Variants in RXRA observed in about 807,000 individuals in gnomAD.
RXRA encodes the protein retinoic acid receptor RXR-alpha.
RXRA carries 5 observed loss-of-function variants against 44.5 expected under a neutral mutation model. The observed-to-expected ratio is 0.11, with a 90% CI of 0.06 to 0.24. The LOEUF (loss-of-function observed/expected upper bound fraction) is 0.24, where lower values mean the gene tolerates loss of function less well. RXRA is among the 10% of genes least tolerant of loss of function. The pLI is 1.00. For synonymous variants in RXRA, 291 were observed against 271.4 expected (o/e 1.07, Z -0.71); for missense variants, 412 against 646.5 (o/e 0.64, Z 3.93).
intron 1 of RXRA, among the ~76,000 whole-genome samples, chr9:134,384,238 C>T (rs1353750165): frequency 6.6e-6 from 1 of 152,038 alleles, no homozygotes; most frequent in Non-Finnish European, 1.5e-5. Context: ...GGGGAGTCCT[C>T]AACCCTCTTC....
At chr9:134,434,866 A>G (rs12336087) in intron 9 of RXRA, among the ~76,000 whole-genome samples, 20,914 of 102,492 alleles carry the variant, frequency 0.2, 2,711 homozygotes, top group African/African-American at 0.43. Flanking sequence ...TGGGGCGGGG[A>G]GGGGGTCGGG....
intron 1 of RXRA, among the ~76,000 whole-genome samples, chr9:134,348,574 G>A (rs1280609097): frequency 2.0e-5 from 3 of 152,220 alleles, no homozygotes; most frequent in Non-Finnish European, 2.9e-5. Context: ...TGGCCGACAC[G>A]TGGGTTGAGT....
At chr9:134,389,477 GCAGAGGGCTAGCCC>G (rs1830769213) in intron 1 of RXRA, among the ~76,000 whole-genome samples, 2 of 151,640 alleles carry the variant, frequency 1.3e-5, no homozygotes, top group African/African-American at 4.8e-5. Flanking sequence ...CCCTGGGACA[GCAGAGGGCTAGCCC>G]CAGAGGGCTA....
At chr9:134,384,897 G>A (rs571797200) in intron 1 of RXRA, among the ~76,000 whole-genome samples, 227 of 152,332 alleles carry the variant, frequency 1.5e-3, no homozygotes, top group African/African-American at 5.3e-3. Flanking sequence ...GTTTTCAGAC[G>A]GGTGTGAGCA....
At chr9:134,332,312 G>A (rs1835017715) in intron 1 of RXRA, among the ~76,000 whole-genome samples, 1 of 152,166 alleles carries the variant, frequency 6.6e-6, no homozygotes, top group East Asian at 1.9e-4. Flanking sequence ...TCCCAGGGCA[G>A]GGCAGGGTAG....
rs782497384 is a variant in RXRA at position 134,343,159 on chromosome 9, A to C, written c.28+16500A>C. On this transcript the variant is annotated intron_variant, in intron 1 of 9. Coordinates refer to ENST00000481739, the MANE Select transcript of RXRA (RefSeq NM_002957.6). This position sits in a 1 kb window ranked among gnomAD's most constrained non-coding sequence, Gnocchi z 4.1. ...TGCGGCCCACAGTTCAGGGCCCCAC[A>C]CAGACCTTTTACATGCTGTGTGACC... Among the ~76,000 whole-genome samples, 15 of 152,240 alleles carry C rather than the reference A, an allele frequency of 9.9e-5. No homozygotes were observed. Among genetic ancestry groups the C allele is most frequent in the African/African-American group, 2.9e-4 (12 of 41,548 alleles).
At chr9:134,332,932 C>T (rs530393455) in intron 1 of RXRA, among the ~76,000 whole-genome samples, 1 of 152,096 alleles carries the variant, frequency 6.6e-6, no homozygotes, top group South Asian at 2.1e-4. Flanking sequence ...TTCCTGGGGG[C>T]TTAGGCCAGG....
At chr9:134,332,953 G>A (rs1835028718) in intron 1 of RXRA, among the ~76,000 whole-genome samples, 4 of 152,162 alleles carry the variant, frequency 2.6e-5, no homozygotes, top group Non-Finnish European at 5.9e-5. Flanking sequence ...TCCCTGGGCT[G>A]GCCTGGGGGT....
chr9:134,427,148 C>T lies in RXRA; in HGVS notation c.911-1960C>T, dbSNP rs563038690. 16 of 981,930 alleles carry T rather than the reference C, an allele frequency of 1.6e-5. No individual in the cohort carries two copies. The South Asian group carries it at 4.7e-4, about 29-fold the overall frequency. The allele number at this position is 981,930 out of a possible 1,614,324, so 60.8% of individuals were successfully genotyped here. ...TAGACTTCTCCCAAATGTGATGCTA[C>T]AGATGTTTCATTGGGCAAAAACAAA... On this transcript the variant is annotated intron_variant, in intron 6 of 9. Coordinates refer to ENST00000481739, the MANE Select transcript of RXRA (RefSeq NM_002957.6).
At chr9:134,410,284 C>A (rs1181755249) in intron 4 of RXRA, among the ~76,000 whole-genome samples, 1 of 152,210 alleles carries the variant, frequency 6.6e-6, no homozygotes, top group East Asian at 1.9e-4. Flanking sequence ...CCAGTCAGGC[C>A]TTTCTGATGG....
chr9:134,393,231 C>T (rs1009780397), intron 1 of RXRA, among the ~76,000 whole-genome samples: 8 of 151,482 alleles, frequency 5.3e-5, no homozygotes, highest in Admixed American at 3.9e-4. Context: ...AGCACTGGGG[C>T]ACACACAGGG....
intron 1 of RXRA, among the ~76,000 whole-genome samples, chr9:134,393,479 T>G (rs961333341): frequency 4.6e-5 from 7 of 152,222 alleles, no homozygotes; most frequent in Non-Finnish European, 1.0e-4. Context: ...GCCTGGGGCA[T>G]CCCTGGACAG....
chr9:134,339,515 CTG>C (rs140582836), intron 1 of RXRA, among the ~76,000 whole-genome samples: 102 of 138,160 alleles, frequency 7.4e-4, no homozygotes, highest in African/African-American at 9.5e-4. Context: ...GTGTGTGAGT[CTG>C]TGTGTGTGTG....
chr9:134,439,159 C>G lies in RXRA; in HGVS notation c.*2545C>G, dbSNP rs571732027. 1 of 152,200 alleles carries G rather than the reference C, an allele frequency of 6.6e-6. No individual in the cohort carries two copies. The highest frequency in any genetic ancestry group is 2.1e-4 in the South Asian group (1 of 4,832). 9.4% of individuals were successfully genotyped at this position (152,200 alleles called of 1,614,324 possible). A position where few individuals can be genotyped will look rare whatever the true frequency, so the allele number is the denominator to read the frequency against. On this transcript the variant is annotated 3_prime_UTR_variant, in exon 10 of 10. Coordinates refer to ENST00000481739, the MANE Select transcript of RXRA (RefSeq NM_002957.6). ...TGTAATTATTATTATTTTGGTGGGA[C>G]AATCTTTAATTTTCTAAAGATAGCA...
Position 134,413,362 on chromosome 9 carries a change from T to A in RXRA, c.611-3796T>A, listed in dbSNP as rs1831181161. The stretch of plus-strand genomic sequence containing the variant: ...GGTGTGGTATGTCTCTGTGTGTCTG[T>A]GTGTGTATGTCTGCATGGTTTGTGT... On this transcript the variant is annotated intron_variant, in intron 4 of 9. Transcript: ENST00000481739. Among the ~76,000 whole-genome samples, 4 of 150,862 alleles carry A rather than the reference T, an allele frequency of 2.7e-5. No individual in the cohort carries two copies. The South Asian group carries it at 8.4e-4, about 32-fold the overall frequency.
At position 134,431,897 on chromosome 9, in the gene RXRA, C is replaced by G. The variant is rs982320545; in HGVS notation, c.1044-8C>G. The stretch of plus-strand genomic sequence containing the variant: ...CTGGGATGGGGTGTCTGCCCTCCTC[C>G]TCTGCAGGGTGCTGACGGAGCTTGT... On this transcript the variant is annotated splice_region_variant and splice_polypyrimidine_tract_variant and intron_variant, in intron 7 of 9. Coordinates refer to ENST00000481739, the MANE Select transcript of RXRA (RefSeq NM_002957.6). 1.2e-6 allele frequency: 2 copies of G among 1,610,862 alleles called. No individual in the cohort carries two copies. The highest frequency in any genetic ancestry group is 1.7e-6 in the Non-Finnish European group (2 of 1,177,524).
intron 1 of RXRA, among the ~76,000 whole-genome samples, chr9:134,378,296 C>G (rs898795508): frequency 6.6e-6 from 1 of 152,088 alleles, no homozygotes; most frequent in South Asian, 2.1e-4. Context: ...GCTGGGGAGC[C>G]AGGCCGGTGC....
chr9:134,344,748 T>G (rs1182401728), intron 1 of RXRA, among the ~76,000 whole-genome samples: 2 of 152,162 alleles, frequency 1.3e-5, no homozygotes, highest in African/African-American at 4.8e-5. Context: ...ACCATACCCC[T>G]TAGCAACCAG....
chr9:134,350,852 C>A (rs73663459), intron 1 of RXRA, among the ~76,000 whole-genome samples: 4,509 of 152,316 alleles, frequency 0.03, 89 homozygotes, highest in South Asian at 0.066. Flanking sequence ...GCCGGCCTGG[C>A]CTGGATGGTG....
Sources: allele counts gnomAD v4.1 joint callset (sites outside exome capture counted in the v4.1 genomes callset), GRCh38; gene constraint gnomAD v4.1.1; non-coding constraint Gnocchi (gnomAD v3.1); transcripts MANE v1.5; gene names NCBI Gene and HGNC (gene_info 2026-07-23, HGNC 2026-07-21).